TRIOBP: variants seen among roughly 807,000 people sequenced by gnomAD.
TRIOBP encodes the protein TRIO and F-actin binding protein, also known as TRIO and F-actin-binding protein.
In TRIOBP, 169 loss-of-function variants were observed where a neutral mutation model predicts 238.8. The observed-to-expected ratio is 0.71, with a 90% confidence interval of 0.62 to 0.80. The LOEUF (loss-of-function observed/expected upper bound fraction) is 0.80. Among genes scored for constraint, TRIOBP ranks in the 30% least tolerant of loss-of-function variants. The probability of loss-of-function intolerance (pLI) is 0.00; values close to 1 mark genes in which losing one functional copy is unlikely to be tolerated. For synonymous variants in TRIOBP, 1,150 were observed against 1,274.4 expected (o/e 0.90, Z 2.08); for missense variants, 2,838 against 3,122.6 (o/e 0.91, Z 2.17).
Position 37,740,916 on chromosome 22 carries a change from G to A in TRIOBP, c.5206G>A (p.Gly1736Ser), listed in dbSNP as rs1196231922. 6.4e-7 allele frequency: 1 copy of A among 1,574,400 alleles called. No homozygotes were observed. Among genetic ancestry groups the A allele is most frequent in the South Asian group, 1.2e-5 (1 of 85,746 alleles). ...ACAGGCAGACAAGAGGCCAGCAGAG[G>A]GCAAGGCTGGGAGCCCGCTCAAGGG... is the stretch of plus-strand genomic sequence containing the variant. ...ADSADKRPAEGKAGSPLKGRL... is the reference protein window; with the variant it reads ...ADSADKRPAESKAGSPLKGRL... Residue 1736 changes from glycine (G) to serine (S), a missense_variant, in exon 11 of 24, where the codon GGC (glycine) becomes AGC (serine). Physicochemically the swap from Gly to Ser is moderately conservative, Grantham distance 56. Around this residue, in one of 5 missense-constraint regions of TRIOBP, gnomAD observed 2,096 missense variants for 2,137.4 expected, o/e 0.98. Transcript: ENST00000644935.
intron 11 of TRIOBP, among the ~76,000 whole-genome samples, chr22:37,746,602 G>A (rs1434850488): frequency 1.3e-5 from 2 of 152,160 alleles, no homozygotes; most frequent in African/African-American, 4.8e-5. Flanking sequence ...CACCCTTCCC[G>A]CAGGCTCCTC....
rs1926663332 is a variant in TRIOBP at position 37,769,466 on chromosome 22, G to C, written c.6849+91G>C. Reference sequence around the variant, plus strand: ...CGCCATAGGCTGGGTATCACCTGTGGCAGGAAAGCCAAGTCTCCCAGTGGC... The same window carrying C: ...CGCCATAGGCTGGGTATCACCTGTGCCAGGAAAGCCAAGTCTCCCAGTGGC... On this transcript the variant is annotated intron_variant, in intron 21 of 23. Coordinates refer to ENST00000644935, the MANE Select transcript of TRIOBP (RefSeq NM_001039141.3). The C allele has an allele frequency of 1.8e-5, 23 of 1,303,866 alleles. No homozygotes were observed. In the South Asian group the frequency reaches 2.9e-4, roughly 17 times the overall value. The allele number at this position is 1,303,866 out of a possible 1,614,324, so 80.8% of individuals were successfully genotyped here. A position where few individuals can be genotyped will look rare whatever the true frequency, so the allele number is the denominator to read the frequency against.
chr22:37,769,235 C>T (rs760957409), intron 20 of TRIOBP, 27 bp from the exon 21 acceptor site: 3 of 1,605,378 alleles, frequency 1.9e-6, no homozygotes, highest in African/African-American at 1.3e-5. Context: ...CCCGGCACCC[C>T]TCCCCTGACC....
intron 21 of TRIOBP, among the ~76,000 whole-genome samples, chr22:37,770,116 C>A (rs1051960635): frequency 1.1e-4 from 17 of 147,922 alleles, no homozygotes; most frequent in Non-Finnish European, 2.2e-4. Context: ...GCGATCTCGG[C>A]TCACCACAAC....
In TRIOBP at chr22:37,771,688, AAAG is replaced by A. The variant is rs1926781957; in HGVS notation, c.6892_6894del (p.Lys2298del). 1 of 1,613,984 alleles carries A rather than the reference AAAG, an allele frequency of 6.2e-7. No individual in the cohort carries two copies. Among genetic ancestry groups the A allele is most frequent in the Admixed American group, 1.7e-5 (1 of 60,004 alleles). ...TAAAAGAAAACGAACTCCAGTACCT[AAAG>A]AAGGAGGTGCAGTGCCTCCGGGACG... On this transcript the variant is annotated inframe_deletion, in exon 22 of 24. Coordinates refer to ENST00000644935, the MANE Select transcript of TRIOBP (RefSeq NM_001039141.3).
chr22:37,760,618 C>T (rs1926193065), intron 17 of TRIOBP, among the ~76,000 whole-genome samples: 1 of 152,186 alleles, frequency 6.6e-6, no homozygotes, highest in Non-Finnish European at 1.5e-5. Flanking sequence ...TTAACAACTA[C>T]ATCACAGAAT....
intron 10 of TRIOBP, among the ~76,000 whole-genome samples, chr22:37,740,433 G>A (rs931726874): frequency 6.6e-6 from 1 of 152,180 alleles, no homozygotes; most frequent in Non-Finnish European, 1.5e-5. Context: ...GTGAGAAGGT[G>A]GGGGGGCACC....
intron 11 of TRIOBP, among the ~76,000 whole-genome samples, chr22:37,743,627 T>C (rs1925049056): frequency 6.6e-6 from 1 of 152,062 alleles, no homozygotes. Flanking sequence ...ATGTAACTGA[T>C]GAGAACAGTG....
intron 21 of TRIOBP, 23 bp from the exon 22 acceptor site, chr22:37,771,627 C>T (rs1926777902): frequency 1.2e-6 from 2 of 1,611,038 alleles, no homozygotes; most frequent in Non-Finnish European, 1.7e-6. Flanking sequence ...GGCCCTGGGT[C>T]AGTCCAGCAC....
chr22:37,723,515 C>T lies in TRIOBP; in HGVS notation c.959C>T (p.Pro320Leu). Residue 320 changes from proline to leucine, a missense_variant, in exon 7 of 24, where the codon CCT (proline) becomes CTT (leucine). Pro to Leu is a moderately conservative substitution (Grantham distance 98). Around this residue, in one of 5 missense-constraint regions of TRIOBP, gnomAD observed 535 missense variants for 537.3 expected, o/e 1.00. Coordinates refer to ENST00000644935, the MANE Select transcript of TRIOBP (RefSeq NM_001039141.3). ...SRASSTQEDT[P>L]RASSTQEDTP... ...GCCTCATCCACCCAAGAGGACACCCCTAGGGCCTCATCCACCCAAGAGGAC... is the reference window on the plus strand; with the variant it reads ...GCCTCATCCACCCAAGAGGACACCCTTAGGGCCTCATCCACCCAAGAGGAC... 1 of 1,613,904 alleles carries T rather than the reference C, an allele frequency of 6.2e-7. No individual in the cohort carries two copies. Among genetic ancestry groups the T allele is most frequent in the Non-Finnish European group, 8.5e-7 (1 of 1,179,924 alleles).
chr22:37,750,556 G>C (rs955091006), intron 11 of TRIOBP: 5 of 445,314 alleles, frequency 1.1e-5, no homozygotes, highest in African/African-American at 2.0e-5. Context: ...GTGGAAGACG[G>C]GGTGGGCAGA....
rs775572528 is a variant in TRIOBP at position 37,726,442 on chromosome 22, G to A, written c.3886G>A (p.Gly1296Arg). 7.0e-6 allele frequency: 11 copies of A among 1,574,374 alleles called. No homozygotes were observed. Among genetic ancestry groups the A allele is most frequent in the Admixed American group, 3.7e-5 (2 of 54,232 alleles). ...QPGPQAQCSS[G>R]GRTHSPGRAE... ...AGGGCCCCAGGCGCAGTGCAGCAGC[G>A]GGGGCCGCACCCACAGCCCTGGCCG... Residue 1296 changes from glycine (G) to arginine (R), a missense_variant, in exon 7 of 24, where the codon GGG (glycine) becomes AGG (arginine). Gly to Arg is a moderately radical substitution (Grantham distance 125, BLOSUM62 -2). Coordinates refer to ENST00000644935, the MANE Select transcript of TRIOBP (RefSeq NM_001039141.3).
Position 37,769,125 on chromosome 22 carries a change from G to A in TRIOBP, c.6673G>A (p.Glu2225Lys), listed in dbSNP as rs749178828. ...EIGALMRQAE[E>K]REHTLRRCQQ... ...TGGGGCACTCATGCGGCAGGCTGAG[G>A]AGCGCGAGCACACGCTGCGCCGCTG... Residue 2225 changes from glutamate to lysine, a missense_variant, in exon 20 of 24, where the codon GAG (glutamate) becomes AAG (lysine). Glu to Lys is a moderately conservative substitution (Grantham distance 56). Transcript: ENST00000644935. 12 of 1,613,074 alleles carry A rather than the reference G, an allele frequency of 7.4e-6. No homozygotes were observed. Among genetic ancestry groups the A allele is most frequent in the Admixed American group, 1.7e-5 (1 of 60,006 alleles).
At chr22:37,730,970 TACAA>T (rs1924394656) in intron 7 of TRIOBP, among the ~76,000 whole-genome samples, 2 of 143,316 alleles carry the variant, frequency 1.4e-5, no homozygotes, top group South Asian at 4.4e-4. Flanking sequence ...AAAAAAAAGT[TACAA>T]ACAGCCTGCC....
chr22:37,765,835 G>C lies in TRIOBP; in HGVS notation c.6472+18G>C. 10 of 1,584,820 alleles carry C rather than the reference G, an allele frequency of 6.3e-6. No homozygotes were observed. The highest frequency in any genetic ancestry group is 8.5e-6 in the Non-Finnish European group (10 of 1,169,904). On this transcript the variant is annotated intron_variant, in intron 18 of 23. Coordinates refer to ENST00000644935, the MANE Select transcript of TRIOBP (RefSeq NM_001039141.3). ...GGCCTCAGGTATGGACCCTGGGGGGGGCACAGTGGGCTGGGCTCTGAGCCT... is the reference window on the plus strand; with the variant it reads ...GGCCTCAGGTATGGACCCTGGGGGGCGCACAGTGGGCTGGGCTCTGAGCCT...
intron 6 of TRIOBP, among the ~76,000 whole-genome samples, chr22:37,717,491 A>C (rs1923583503): frequency 6.6e-6 from 1 of 152,142 alleles, no homozygotes; most frequent in African/African-American, 2.4e-5. Context: ...CAGGGCGCTG[A>C]TTGGTGCATT....
intron 12 of TRIOBP, among the ~76,000 whole-genome samples, chr22:37,753,176 A>G (rs1925712108): frequency 1.3e-5 from 2 of 152,218 alleles, no homozygotes; most frequent in South Asian, 4.1e-4. Flanking sequence ...GTTGGTGTCC[A>G]TCCCTATGCC....
chr22:37,749,544 G>A lies in TRIOBP; in HGVS notation c.5323-2228G>A, dbSNP rs577872995. ...AGGAGAAACTGAGCTTCTAGCAGGT[G>A]AAGAAGAGGTAGCTGGGCCTGAAGA... On this transcript the variant is annotated intron_variant, in intron 11 of 23. Transcript: ENST00000644935. Among the ~76,000 whole-genome samples the A allele has an allele frequency of 1.3e-4, 20 of 152,282 alleles. No individual in the cohort carries two copies. In the South Asian group the frequency reaches 4.1e-3, roughly 32 times the overall value.
Position 37,726,414 on chromosome 22 carries a change from G to A in TRIOBP, c.3858G>A (p.Gln1286=). The change falls in exon 7 of 24, where the codon CAG becomes CAA. Residue 1286 remains glutamine (Q), a synonymous_variant. Coordinates refer to ENST00000644935, the MANE Select transcript of TRIOBP (RefSeq NM_001039141.3). Reference sequence around the variant, plus strand: ...CACCCAGGAGGCTGGCCCAGAGACAGCCAGGGCCCCAGGCGCAGTGCAGCA... The same window carrying A: ...CACCCAGGAGGCTGGCCCAGAGACAACCAGGGCCCCAGGCGCAGTGCAGCA... The part of the protein sequence containing the change: ...LPPPRRLAQR[Q]PGPQAQCSSG... 2 of 1,587,316 alleles carry A rather than the reference G, an allele frequency of 1.3e-6. No individual in the cohort carries two copies. Among genetic ancestry groups the A allele is most frequent in the Non-Finnish European group, 1.7e-6 (2 of 1,167,368 alleles).
Sources: allele counts gnomAD v4.1 joint callset (sites outside exome capture counted in the v4.1 genomes callset), GRCh38; gene constraint gnomAD v4.1.1; regional missense constraint gnomAD v4.1.1; transcripts MANE v1.5; gene names NCBI Gene and HGNC (gene_info 2026-07-23, HGNC 2026-07-21).